The following RPIA variants were observed in gnomAD, a reference collection of about 807,000 sequenced individuals.
RPIA encodes ribose-5-phosphate isomerase.
In RPIA, 29 loss-of-function variants were observed where a neutral mutation model predicts 37.8. The observed-to-expected ratio is 0.77, with a 90% CI of 0.57 to 1.05. The LOEUF (loss-of-function observed/expected upper bound fraction) is 1.05, where lower values mean the gene tolerates loss of function less well. Among genes scored for constraint, RPIA ranks in the 50% least tolerant of loss-of-function variants. The pLI is 0.00. For missense variants in RPIA, 385 were observed against 413.6 expected, an observed-to-expected ratio of 0.93 and a Z score of 0.60; for synonymous variants, 167 against 157.0, an observed-to-expected ratio of 1.06 and a Z score of -0.48.
chr2:88,722,525 C>T (rs1052495708), intron 3 of RPIA, among the ~76,000 whole-genome samples: 8 of 152,216 alleles, frequency 5.3e-5, no homozygotes, highest in Admixed American at 1.3e-4. Context: ...TAGGACCTAA[C>T]GGACTCCATC....
chr2:88,725,089 T>G (rs1417882059), intron 3 of RPIA, among the ~76,000 whole-genome samples: 2 of 152,216 alleles, frequency 1.3e-5, no homozygotes, highest in Non-Finnish European at 2.9e-5. Context: ...AATCATTAGC[T>G]TTCCTGCTCC....
intron 3 of RPIA, among the ~76,000 whole-genome samples, chr2:88,704,890 T>C (rs1322779426): frequency 1.3e-5 from 2 of 152,154 alleles, no homozygotes; most frequent in African/African-American, 4.8e-5. Context: ...ACAAAATCAA[T>C]GTGCAAAAAT....
intron 3 of RPIA, among the ~76,000 whole-genome samples, chr2:88,706,562 G>A (rs987641205): frequency 1.3e-5 from 2 of 151,152 alleles, no homozygotes; most frequent in Non-Finnish European, 1.5e-5. Context: ...TGGGGGGTGT[G>A]GGGGGAGGGA....
chr2:88,729,488 T>A, intron 4 of RPIA, 151 bp downstream of exon 4: 1 of 820,364 alleles, frequency 1.2e-6, no homozygotes, highest in South Asian at 1.5e-5. Context: ...GAGTATTAAT[T>A]TTGGCTGAGG....
intron 3 of RPIA, among the ~76,000 whole-genome samples, chr2:88,713,520 G>A (rs991219583): frequency 1.3e-5 from 2 of 152,116 alleles, no homozygotes; most frequent in Non-Finnish European, 2.9e-5. Context: ...AAGGACTCAC[G>A]TACCGTTTTA....
In RPIA at chr2:88,736,519, G is replaced by C. The variant is rs1673317500; in HGVS notation, c.597-16G>C. The C allele has an allele frequency of 1.9e-6, 3 of 1,613,950 alleles. No homozygotes were observed. Among genetic ancestry groups the C allele is most frequent in the Non-Finnish European group, 2.5e-6 (3 of 1,179,944 alleles). On this transcript the variant is annotated splice_polypyrimidine_tract_variant and intron_variant, in intron 6 of 8. Transcript: ENST00000283646. ...CTTATTTACTTTTATTGTACTTTCT[G>C]ACTCCTTCTTTCCAGGAAAGATTCG...
intron 5 of RPIA, among the ~76,000 whole-genome samples, chr2:88,735,119 A>G (rs1673299324): frequency 6.6e-6 from 1 of 152,242 alleles, no homozygotes; most frequent in African/African-American, 2.4e-5. Flanking sequence ...CAAGCAGACT[A>G]TTGAGTGATG....
At chr2:88,739,864 C>T (rs1228107523) in intron 8 of RPIA, among the ~76,000 whole-genome samples, 1 of 152,180 alleles carries the variant, frequency 6.6e-6, no homozygotes, top group Non-Finnish European at 1.5e-5. Flanking sequence ...CTCCCTTGGC[C>T]TCCCAAAGTG....
At chr2:88,738,711 T>C (rs937494021) in intron 8 of RPIA, among the ~76,000 whole-genome samples, 4 of 152,166 alleles carry the variant, frequency 2.6e-5, no homozygotes, top group Admixed American at 6.5e-5. Flanking sequence ...TGTTCTATGG[T>C]GTAGAGGTGG....
chr2:88,736,407 A>G (rs1673316082), intron 6 of RPIA, 128 bp from the exon 7 acceptor site: 2 of 852,004 alleles, frequency 2.3e-6, no homozygotes, highest in South Asian at 1.5e-5. Context: ...TTGTAGCCCC[A>G]TGTATATTGC....
intron 3 of RPIA, among the ~76,000 whole-genome samples, chr2:88,720,125 C>T (rs1673100933): frequency 6.6e-6 from 1 of 152,060 alleles, no homozygotes; most frequent in Non-Finnish European, 1.5e-5. Flanking sequence ...TAAGATTTTA[C>T]AGGACTTGGT....
intron 4 of RPIA, among the ~76,000 whole-genome samples, chr2:88,734,345 G>A (rs907948202): frequency 1.2e-4 from 18 of 152,042 alleles, no homozygotes; most frequent in Non-Finnish European, 2.5e-4. Context: ...ACTGCATCCC[G>A]GTTAGAGTCC....
Position 88,750,216 on chromosome 2 carries a change from G to A in RPIA, c.*138G>A. 1 of 654,604 alleles carries A rather than the reference G, an allele frequency of 1.5e-6. No homozygotes were observed. The highest frequency in any genetic ancestry group is 2.8e-6 in the Non-Finnish European group (1 of 352,140). 40.5% of individuals were successfully genotyped at this position (654,604 alleles called of 1,614,324 possible). A position where few individuals can be genotyped will look rare whatever the true frequency, so the allele number is the denominator to read the frequency against. ...GGGGGTGGGGGGAAGAGTGGGAGGGGGAGTTAAATCCAGTCTTATGAAGTA... is the reference window on the plus strand; with the variant it reads ...GGGGGTGGGGGGAAGAGTGGGAGGGAGAGTTAAATCCAGTCTTATGAAGTA... On this transcript the variant is annotated 3_prime_UTR_variant, in exon 9 of 9. Transcript: ENST00000283646.
chr2:88,723,842 A>G (rs1448138573), intron 3 of RPIA, among the ~76,000 whole-genome samples: 5 of 152,114 alleles, frequency 3.3e-5, no homozygotes, highest in African/African-American at 9.7e-5. Context: ...GTGTTAATCA[A>G]TATATGCAAG....
chr2:88,742,356 T>C (rs1226064558), intron 8 of RPIA, among the ~76,000 whole-genome samples: 2 of 152,222 alleles, frequency 1.3e-5, no homozygotes, highest in African/African-American at 2.4e-5. Context: ...ATCAGTTGGC[T>C]GTAAGTATTT....
chr2:88,715,300 T>TG (rs1673020404), intron 3 of RPIA, among the ~76,000 whole-genome samples: 1 of 152,158 alleles, frequency 6.6e-6, no homozygotes, highest in African/African-American at 2.4e-5. Context: ...TTGTTCCTCT[T>TG]CGGGGGGAAG....
intron 3 of RPIA, among the ~76,000 whole-genome samples, chr2:88,721,509 A>G (rs1224439802): frequency 6.8e-6 from 1 of 146,282 alleles, no homozygotes; most frequent in Non-Finnish European, 1.5e-5. Context: ...ATATGTTAAT[A>G]TAAAACATAA....
At chr2:88,718,042 C>G (rs1480107071) in intron 3 of RPIA, among the ~76,000 whole-genome samples, 14 of 151,984 alleles carry the variant, frequency 9.2e-5, no homozygotes. Context: ...TTTGTGAAAG[C>G]ACAGCTTAGT....
chr2:88,712,804 T>A (rs1231752512), intron 3 of RPIA, among the ~76,000 whole-genome samples: 2 of 152,156 alleles, frequency 1.3e-5, no homozygotes, highest in Non-Finnish European at 2.9e-5. Context: ...TCTTGGGGTC[T>A]CCCTTCACAG....
Sources: gnomAD v4.1 joint callset for allele counts (sites outside exome capture counted in the v4.1 genomes callset) on GRCh38, gnomAD v4.1.1 for gene constraint, MANE v1.5 for transcripts, NCBI Gene and HGNC (gene_info 2026-07-23, HGNC 2026-07-21) for gene names.